The following VPS13D variants were observed in gnomAD, a reference collection of about 807,000 sequenced individuals.
The protein encoded by VPS13D is intermembrane lipid transfer protein VPS13D.
Under a neutral mutation model 461.9 loss-of-function variants are expected in VPS13D, and 187 were observed. The ratio of observed to expected loss-of-function variants is 0.40; its 90% confidence interval spans 0.36 to 0.46. VPS13D has a LOEUF of 0.46. Ranked by LOEUF, VPS13D falls within the 20% of genes least tolerant of loss-of-function variation. The pLI is 0.60. For missense variants in VPS13D, 4,711 were observed against 5,364.9 expected, an observed-to-expected ratio of 0.88 and a Z score of 3.81; for synonymous variants, 1,951 against 1,986.3, an observed-to-expected ratio of 0.98 and a Z score of 0.47.
Position 12,290,240 on chromosome 1 carries a change from G to A in VPS13D, c.5726-758G>A, listed in dbSNP as rs368353045. ...AGTGCCTATCTACCTCATTAATTTT[G>A]GTCTTTCATTAAATCATACTAAAAC... is the stretch of plus-strand genomic sequence containing the variant. On this transcript the variant is annotated intron_variant, in intron 22 of 69. Transcript: ENST00000620676. 2.7e-4 allele frequency among the ~76,000 whole-genome samples: 41 copies of A among 152,046 alleles called. 3 individuals carry two copies. The highest frequency in any genetic ancestry group is 2.1e-3 in the Admixed American group (32 of 15,294).
Position 12,304,772 on chromosome 1 carries a change from T to G in VPS13D, c.6439+44T>G, listed in dbSNP as rs757284292. The stretch of plus-strand genomic sequence containing the variant: ...AACATAATACTGAAGGTGGGGAAAT[T>G]CACAGGACTGTTGAGGAAACTGAGG... On this transcript the variant is annotated intron_variant, in intron 26 of 69. Transcript: ENST00000620676. 2.5e-6 allele frequency: 4 copies of G among 1,597,740 alleles called. No homozygotes were observed. The African/African-American group carries it at 5.4e-5, about 21-fold the overall frequency.
chr1:12,333,105 T>A (rs1242823615), intron 37 of VPS13D, 121 bp from the exon 38 acceptor site: 10 of 1,200,696 alleles, frequency 8.3e-6, no homozygotes, highest in Non-Finnish European at 1.2e-5. Context: ...GTTGTGAAAT[T>A]GAATTGGAAG....
At chr1:12,331,584 C>T (rs1643333305) in intron 37 of VPS13D, among the ~76,000 whole-genome samples, 1 of 151,510 alleles carries the variant, frequency 6.6e-6, no homozygotes, top group Admixed American at 6.6e-5. Flanking sequence ...TGGTGGTGGG[C>T]ACCTGTAGTC....
At chr1:12,306,463 A>G (rs1642567848) in intron 26 of VPS13D, among the ~76,000 whole-genome samples, 1 of 152,220 alleles carries the variant, frequency 6.6e-6, no homozygotes, top group Non-Finnish European at 1.5e-5. Flanking sequence ...CACTGATGTT[A>G]TGACGTCTGT....
intron 67 of VPS13D, among the ~76,000 whole-genome samples, chr1:12,466,661 A>G (rs1013429175): frequency 6.6e-6 from 1 of 151,822 alleles, no homozygotes; most frequent in East Asian, 1.9e-4. Flanking sequence ...TAGCATCCAT[A>G]TAGAGGCATG....
At position 12,244,582 on chromosome 1, in the gene VPS13D, G is replaced by A. The variant is rs775201824; in HGVS notation, c.412G>A (p.Ala138Thr). 7 of 1,614,098 alleles carry A rather than the reference G, an allele frequency of 4.3e-6. No individual in the cohort carries two copies. Among genetic ancestry groups the A allele is most frequent in the African/African-American group, 1.3e-5 (1 of 74,930 alleles). ...GGAGTCCTATTGGTATTCAGTTACC[G>A]CCTCCGTAGTTACAAGGATTGTGGA... The part of the protein sequence containing the change: ...KGESYWYSVT[A>T]SVVTRIVENI... Residue 138 changes from alanine to threonine, a missense_variant, in exon 5 of 70, where the codon GCC (alanine) becomes ACC (threonine). Transcript: ENST00000620676.
chr1:12,322,512 G>C lies in VPS13D; in HGVS notation c.7705-24G>C, dbSNP rs749233171. 3.4e-5 allele frequency: 55 copies of C among 1,608,888 alleles called. No individual in the cohort carries two copies. The East Asian group carries it at 1.2e-3, about 36-fold the overall frequency. ...AAAACCAATGCAGCTTTAAAAAATTGCTACCTTTTTTACATTTTGTTAGAT... is the reference window on the plus strand; with the variant it reads ...AAAACCAATGCAGCTTTAAAAAATTCCTACCTTTTTTACATTTTGTTAGAT... On this transcript the variant is annotated intron_variant, in intron 33 of 69. Coordinates refer to ENST00000620676, the MANE Select transcript of VPS13D (RefSeq NM_015378.4).
intron 56 of VPS13D, 84 bp from the exon 57 acceptor site, chr1:12,379,404 C>G: frequency 1.6e-6 from 2 of 1,269,044 alleles, no homozygotes; most frequent in South Asian, 2.7e-5. Context: ...GGAAGAAGAG[C>G]AAAGCCATCA....
Position 12,413,019 on chromosome 1 carries a change from T to C in VPS13D, c.12031-2068T>C, listed in dbSNP as rs77255479. Among the ~76,000 whole-genome samples, 838 of 152,298 alleles carry C rather than the reference T, an allele frequency of 5.5e-3. 7 individuals carry two copies. The highest frequency in any genetic ancestry group is 0.018 in the African/African-American group (761 of 41,558). On this transcript the variant is annotated intron_variant, in intron 63 of 69. Coordinates refer to ENST00000620676, the MANE Select transcript of VPS13D (RefSeq NM_015378.4). ...CTTCAATAAGCACTTCACAAAAAGA[T>C]ATCCAAATGGCTTATGCATTTAAAA...
Position 12,321,841 on chromosome 1 carries a change from T to TA in VPS13D, c.7582dup (p.Thr2528AsnfsTer24). Reference sequence around the variant, plus strand: ...CATGCCGACTAGGGAATGAGCATGATACAGCTCTTTCAATTGTGGATCCCG... The same window carrying TA: ...CATGCCGACTAGGGAATGAGCATGATAACAGCTCTTTCAATTGTGGATCCCG... On this transcript the variant is annotated frameshift_variant, in exon 33 of 70. Coordinates refer to ENST00000620676, the MANE Select transcript of VPS13D (RefSeq NM_015378.4). LOFTEE classifies it high-confidence loss of function. 1 of 1,611,968 alleles carries TA rather than the reference T, an allele frequency of 6.2e-7. No individual in the cohort carries two copies. Among genetic ancestry groups the TA allele is most frequent in the Non-Finnish European group, 8.5e-7 (1 of 1,179,348 alleles).
intron 65 of VPS13D, among the ~76,000 whole-genome samples, chr1:12,418,647 A>G (rs1328090197): frequency 6.6e-6 from 1 of 152,244 alleles, no homozygotes; most frequent in East Asian, 1.9e-4. Context: ...GTGAGAACAA[A>G]ATAAGGTATG....
intron 10 of VPS13D, among the ~76,000 whole-genome samples, chr1:12,258,630 T>C (rs1389878824): frequency 6.6e-6 from 1 of 152,212 alleles, no homozygotes; most frequent in African/African-American, 2.4e-5. Context: ...AGCCCTGGCA[T>C]GGGACCCCAC....
rs371981790 is a variant in VPS13D at position 12,507,262 on chromosome 1, C to G, written c.13035+169C>G. On this transcript the variant is annotated intron_variant, in intron 69 of 69. Coordinates refer to ENST00000620676, the MANE Select transcript of VPS13D (RefSeq NM_015378.4). This position sits in a 1 kb window ranked among gnomAD's most constrained non-coding sequence, Gnocchi z 5.3. Reference sequence around the variant, plus strand: ...ATGGGAGGGGCCCAGGGTATGTTCACGGGGCGATGCTGCCCTCCCAGCTGG... The same window carrying G: ...ATGGGAGGGGCCCAGGGTATGTTCAGGGGGCGATGCTGCCCTCCCAGCTGG... The G allele has an allele frequency of 1.3e-4, 164 of 1,221,372 alleles. No homozygotes were observed. In the African/African-American group the frequency reaches 2.2e-3, roughly 16 times the overall value. 75.7% of individuals were successfully genotyped at this position (1,221,372 alleles called of 1,614,324 possible). A position where few individuals can be genotyped will look rare whatever the true frequency, so the allele number is the denominator to read the frequency against.
chr1:12,271,360 T>C (rs962229387), intron 17 of VPS13D, among the ~76,000 whole-genome samples: 2 of 152,168 alleles, frequency 1.3e-5, no homozygotes, highest in Non-Finnish European at 2.9e-5. Flanking sequence ...TGCACCAGGA[T>C]GAGGTTACTT....
At chr1:12,440,318 G>T (rs908116306) in intron 65 of VPS13D, among the ~76,000 whole-genome samples, 1 of 152,194 alleles carries the variant, frequency 6.6e-6, no homozygotes, top group Non-Finnish European at 1.5e-5. Context: ...ATAAGAGGTG[G>T]TGTCAGCAAT....
In VPS13D at chr1:12,362,820, A is replaced by G. The variant is rs779257713; in HGVS notation, c.10242A>G (p.Ala3414=). 5.5e-5 allele frequency: 89 copies of G among 1,614,100 alleles called. No individual in the cohort carries two copies. Among genetic ancestry groups the G allele is most frequent in the Non-Finnish European group, 7.4e-5 (87 of 1,180,042 alleles). ...ATAATAAATCATCTCACAAGCTTGC[A>G]TTTGCACAGAGGGAATTTGCCAGGG... ...LLDNKSSHKL[A]FAQREFARGQ... is the part of the protein sequence containing the mutation. Residue 3414 remains alanine, a synonymous_variant, in exon 51 of 70, where the codon GCA becomes GCG. Coordinates refer to ENST00000620676, the MANE Select transcript of VPS13D (RefSeq NM_015378.4).
chr1:12,501,199 A>G (rs142246068), intron 68 of VPS13D, among the ~76,000 whole-genome samples: 1 of 152,290 alleles, frequency 6.6e-6, no homozygotes, highest in Non-Finnish European at 1.5e-5. Context: ...TCACAGAGAG[A>G]GAGCAATCAG....
chr1:12,364,454 G>A (rs747441982), intron 52 of VPS13D, among the ~76,000 whole-genome samples: 2 of 152,142 alleles, frequency 1.3e-5, no homozygotes, highest in Non-Finnish European at 2.9e-5. Context: ...ACATAGGTTC[G>A]CATATGGGTT....
chr1:12,314,001 C>T, intron 29 of VPS13D, 114 bp from the exon 30 acceptor site: 1 of 840,898 alleles, frequency 1.2e-6, no homozygotes, highest in Admixed American at 2.3e-5. Flanking sequence ...AAGTTATTCT[C>T]CTTATGGGAC....
Sources: gnomAD v4.1 joint callset for allele counts (sites outside exome capture counted in the v4.1 genomes callset) on GRCh38, gnomAD v4.1.1 for gene constraint, Gnocchi (gnomAD v3.1) non-coding constraint, MANE v1.5 for transcripts, NCBI Gene and HGNC (gene_info 2026-07-23, HGNC 2026-07-21) for gene names.